The following PTPN4 variants were observed in gnomAD, a reference collection of about 807,000 sequenced individuals.
PTPN4 encodes the protein protein tyrosine phosphatase non-receptor type 4.
In PTPN4, 49 loss-of-function variants were observed where a neutral mutation model predicts 135.5. That is an observed-to-expected ratio of 0.36 (90% CI 0.29 to 0.46). The LOEUF (loss-of-function observed/expected upper bound fraction) is 0.46. PTPN4 is among the 20% of genes least tolerant of loss of function. The pLI is 1.00. For missense variants in PTPN4, 860 were observed against 1,101.0 expected (o/e 0.78, Z 3.10); for synonymous variants, 333 against 369.9 (o/e 0.90, Z 1.14).
At chr2:119,951,326 C>T (rs895774786) in intron 18 of PTPN4, among the ~76,000 whole-genome samples, 2 of 152,182 alleles carry the variant, frequency 1.3e-5, no homozygotes, top group Non-Finnish European at 2.9e-5. Flanking sequence ...TCCATTCAAA[C>T]TTCACCTCCA....
chr2:119,915,600 G>T, intron 11 of PTPN4: 1 of 156,214 alleles, frequency 6.4e-6, no homozygotes, highest in Non-Finnish European at 1.4e-5. Flanking sequence ...TCGTATATAA[G>T]TTCATTTTAT....
At chr2:119,894,467 C>T (rs1005348902) in intron 9 of PTPN4, among the ~76,000 whole-genome samples, 4 of 152,170 alleles carry the variant, frequency 2.6e-5, no homozygotes, top group Non-Finnish European at 4.4e-5. Context: ...ATAAATAGGT[C>T]ACTAATTGTT....
intron 22 of PTPN4, among the ~76,000 whole-genome samples, chr2:119,958,369 C>T (rs990683994): frequency 6.7e-6 from 1 of 149,898 alleles, no homozygotes; most frequent in East Asian, 1.9e-4. Flanking sequence ...GGATGAAGGA[C>T]ATGCAAAGAC....
chr2:119,822,637 G>A (rs1291135746), intron 2 of PTPN4, among the ~76,000 whole-genome samples: 5 of 152,156 alleles, frequency 3.3e-5, no homozygotes, highest in South Asian at 2.1e-4. Context: ...GATTTCAGGC[G>A]TGAGCCACCG....
At chr2:119,880,756 T>C (rs1678059538) in intron 5 of PTPN4, among the ~76,000 whole-genome samples, 1 of 152,052 alleles carries the variant, frequency 6.6e-6, no homozygotes, top group Admixed American at 6.6e-5. Context: ...CTGTCTTGGA[T>C]TGAGTAAATA....
Position 119,807,030 on chromosome 2 carries a change from T to C in PTPN4, c.-17-2807T>C, listed in dbSNP as rs142723209. 3.7e-4 allele frequency among the ~76,000 whole-genome samples: 56 copies of C among 152,180 alleles called. No homozygotes were observed. In the East Asian group the frequency reaches 8.3e-3, roughly 23 times the overall value. On this transcript the variant is annotated intron_variant, in intron 1 of 26. Transcript: ENST00000263708. ...AAATAAAGATGTTATTTGAAACCAATGAGAACAAAGACACAACGTACCAGA... is the reference window on the plus strand; with the variant it reads ...AAATAAAGATGTTATTTGAAACCAACGAGAACAAAGACACAACGTACCAGA...
At chr2:119,860,718 A>G (rs573360744) in intron 2 of PTPN4, among the ~76,000 whole-genome samples, 1 of 152,328 alleles carries the variant, frequency 6.6e-6, no homozygotes, top group Non-Finnish European at 1.5e-5. Flanking sequence ...CTATAACAGA[A>G]TACCTGAGAC....
chr2:119,862,699 T>A, intron 3 of PTPN4, 56 bp downstream of exon 3: 1 of 1,414,752 alleles, frequency 7.1e-7, no homozygotes, highest in Non-Finnish European at 9.8e-7. Context: ...CAGTTTAGTG[T>A]AGAAAGTCCT....
rs546826382 is a variant in PTPN4 at position 119,930,667 on chromosome 2, A to T, written c.1071-1757A>T. ...CAGTGTTATTGTGCGTGTTAGTCCG[A>T]CATTTCTTTTTACACGTTTAACATA... On this transcript the variant is annotated intron_variant, in intron 13 of 26. Coordinates refer to ENST00000263708, the MANE Select transcript of PTPN4 (RefSeq NM_002830.4). Among the ~76,000 whole-genome samples, 5 of 152,268 alleles carry T rather than the reference A, an allele frequency of 3.3e-5. No individual in the cohort carries two copies. The East Asian group carries it at 9.6e-4, about 29-fold the overall frequency.
intron 2 of PTPN4, among the ~76,000 whole-genome samples, chr2:119,830,423 G>T (rs774944046): frequency 5.9e-5 from 9 of 152,060 alleles, no homozygotes; most frequent in Non-Finnish European, 8.8e-5. Context: ...TCTTGGTATT[G>T]TCCTCGCAAT....
At chr2:119,967,812 T>A (rs1259087520) in intron 25 of PTPN4, 25 bp from the exon 26 acceptor site, 2 of 1,565,404 alleles carry the variant, frequency 1.3e-6, no homozygotes, top group African/African-American at 1.4e-5. Flanking sequence ...ATCGGTAAGA[T>A]CTTGCCTATA....
chr2:119,848,318 C>T (rs574120277), intron 2 of PTPN4, among the ~76,000 whole-genome samples: 1 of 151,926 alleles, frequency 6.6e-6, no homozygotes, highest in African/African-American at 2.4e-5. Flanking sequence ...GGACTACAGG[C>T]GCCCACCACC....
intron 24 of PTPN4, among the ~76,000 whole-genome samples, chr2:119,964,574 A>G (rs1679420199): frequency 6.6e-6 from 1 of 152,126 alleles, no homozygotes; most frequent in Non-Finnish European, 1.5e-5. Flanking sequence ...CTCACCCAAG[A>G]ATTCATTAGT....
chr2:119,935,186 T>G (rs183152210), intron 15 of PTPN4: 2 of 493,810 alleles, frequency 4.1e-6, no homozygotes, highest in Admixed American at 3.8e-5. Flanking sequence ...GTTCTTCAGT[T>G]TTTAGTATAT....
chr2:119,868,105 TCAG>T (rs1677858887), intron 3 of PTPN4, among the ~76,000 whole-genome samples: 1 of 152,144 alleles, frequency 6.6e-6, no homozygotes, highest in Non-Finnish European at 1.5e-5. Flanking sequence ...AGAATAAAAT[TCAG>T]CAGCCATTCA....
chr2:119,771,926 A>G (rs1690741901), intron 1 of PTPN4, among the ~76,000 whole-genome samples: 1 of 152,202 alleles, frequency 6.6e-6, no homozygotes, highest in African/African-American at 2.4e-5. Flanking sequence ...GAGTGATCTG[A>G]CATTCATATC....
chr2:119,826,055 T>C (rs1230057959), intron 2 of PTPN4, among the ~76,000 whole-genome samples: 1 of 152,234 alleles, frequency 6.6e-6, no homozygotes, highest in Non-Finnish European at 1.5e-5. Flanking sequence ...CTCAATTTTA[T>C]AGGTCTGTGT....
rs137968912 is a variant in PTPN4 at position 119,806,422 on chromosome 2, C to T, written c.-17-3415C>T. On this transcript the variant is annotated intron_variant, in intron 1 of 26. Coordinates refer to ENST00000263708, the MANE Select transcript of PTPN4 (RefSeq NM_002830.4). The stretch of plus-strand genomic sequence containing the variant: ...GGAAAGCAAAAAAAAGCAGGGGTTG[C>T]AATCCCAGTCTCTGATAAAACAGAG... Among the ~76,000 whole-genome samples, 360 of 152,230 alleles carry T rather than the reference C, an allele frequency of 2.4e-3. 4 individuals are homozygous for T. The highest frequency in any genetic ancestry group is 8.2e-3 in the African/African-American group (339 of 41,530).
At chr2:119,796,318 GT>G (rs1691259982) in intron 1 of PTPN4, among the ~76,000 whole-genome samples, 3 of 152,186 alleles carry the variant, frequency 2.0e-5, no homozygotes, top group African/African-American at 7.2e-5. Flanking sequence ...ACTCCTGAAA[GT>G]TTTTTTGTGC....
Sources: allele counts gnomAD v4.1 joint callset (sites outside exome capture counted in the v4.1 genomes callset), GRCh38; gene constraint gnomAD v4.1.1; transcripts MANE v1.5; gene names NCBI Gene and HGNC (gene_info 2026-07-23, HGNC 2026-07-21).